The following MEMO1 variants were observed in gnomAD, a reference collection of about 807,000 sequenced individuals.
The protein encoded by MEMO1 is mediator of cell motility 1.
In MEMO1, 6 loss-of-function variants were observed where a neutral mutation model predicts 45.2. That is an observed-to-expected ratio of 0.13 (90% confidence interval 0.07 to 0.26). The LOEUF (loss-of-function observed/expected upper bound fraction) is 0.26, where lower values mean the gene tolerates loss of function less well. Among genes scored for constraint, MEMO1 ranks in the 10% least tolerant of loss-of-function variants. The pLI is 1.00. For missense variants in MEMO1, 184 were observed against 370.5 expected, an observed-to-expected ratio of 0.50 and a Z score of 4.13; for synonymous variants, 78 against 124.3, an observed-to-expected ratio of 0.63 and a Z score of 2.48.
At chr2:31,913,696 T>G (rs142130397) in intron 6 of MEMO1, among the ~76,000 whole-genome samples, 1,543 of 152,278 alleles carry the variant, frequency 0.01, 29 homozygotes, top group South Asian at 0.062. Context: ...GTGCTATGCA[T>G]AGCAGATACG....
At chr2:31,937,612 G>A (rs1463358362) in intron 3 of MEMO1, among the ~76,000 whole-genome samples, 3 of 152,090 alleles carry the variant, frequency 2.0e-5, no homozygotes, top group African/African-American at 7.2e-5. Flanking sequence ...TATATTAAAA[G>A]TAACACATGC....
At chr2:31,929,752 T>C (rs966281779) in intron 4 of MEMO1, among the ~76,000 whole-genome samples, 3 of 152,232 alleles carry the variant, frequency 2.0e-5, no homozygotes, top group Admixed American at 6.5e-5. Flanking sequence ...AATGGATTAA[T>C]GTGGAAGGTA....
intron 2 of MEMO1, among the ~76,000 whole-genome samples, chr2:31,969,592 T>TGTGTGTGTGG (rs1669108793): frequency 4.3e-5 from 3 of 69,502 alleles, no homozygotes; most frequent in African/African-American, 1.3e-4. Flanking sequence ...TGTGGGTGTG[T>TGTGTGTGTGG]GTGTGTGTGT....
chr2:31,886,102 A>C (rs1676148418), intron 7 of MEMO1, among the ~76,000 whole-genome samples: 1 of 152,218 alleles, frequency 6.6e-6, no homozygotes, highest in Non-Finnish European at 1.5e-5. Context: ...AATGGCAGTA[A>C]ATGCCATCTA....
chr2:31,957,819 T>A (rs1049750237), intron 2 of MEMO1, among the ~76,000 whole-genome samples: 1 of 152,266 alleles, frequency 6.6e-6, no homozygotes, highest in African/African-American at 2.4e-5. Context: ...ATAATCTAGA[T>A]AAGTTAAATT....
intron 6 of MEMO1, 71 bp from the exon 7 acceptor site, chr2:31,892,205 A>G (rs1677077952): frequency 1.5e-6 from 2 of 1,374,236 alleles, no homozygotes; most frequent in South Asian, 2.6e-5. Flanking sequence ...ATGTGTTGGC[A>G]TTAGAAAGTG....
At chr2:31,993,840 C>A (rs1213985084) in intron 2 of MEMO1, among the ~76,000 whole-genome samples, 4 of 151,518 alleles carry the variant, frequency 2.6e-5, no homozygotes, top group African/African-American at 9.7e-5. Flanking sequence ...GCCAAACTAT[C>A]CTATTTTTTA....
At chr2:32,010,531 A>G (rs949950080) in intron 1 of MEMO1, 5 of 270,916 alleles carry the variant, frequency 1.8e-5, no homozygotes, top group African/African-American at 1.2e-4. Context: ...AAGCCCGGAA[A>G]GCCCTGGCCC....
chr2:31,936,574 T>C (rs1664948530), intron 3 of MEMO1, among the ~76,000 whole-genome samples: 1 of 152,204 alleles, frequency 6.6e-6, no homozygotes, highest in South Asian at 2.1e-4. Flanking sequence ...GCAAAGGCCA[T>C]TCATTGCTCA....
At chr2:31,918,084 C>T (rs796530404) in intron 5 of MEMO1, 47 bp from the exon 6 acceptor site, 3 of 1,342,514 alleles carry the variant, frequency 2.2e-6, no homozygotes, top group African/African-American at 3.0e-5. Flanking sequence ...TAATGTATAT[C>T]CTTATCCTGT....
chr2:31,953,746 C>T lies in MEMO1; in HGVS notation c.62-10363G>A, dbSNP rs560898993. ...TGCTGGGATTACAGGTGTGAGCCAC[C>T]GTGCCCAGCCCCTTTATAAGATTTT... On this transcript the variant is annotated intron_variant, in intron 2 of 9. Coordinates refer to ENST00000404530, the MANE Select transcript of MEMO1 (RefSeq NM_001301833.4). Among the ~76,000 whole-genome samples, 43 of 152,104 alleles carry T rather than the reference C, an allele frequency of 2.8e-4. 1 individual carries two copies. Among genetic ancestry groups the T allele is most frequent in the African/African-American group, 9.9e-4 (41 of 41,512 alleles).
chr2:32,000,705 G>A lies in MEMO1; in HGVS notation c.61+9482C>T, dbSNP rs1673192903. Among the ~76,000 whole-genome samples, 2 of 152,136 alleles carry A rather than the reference G, an allele frequency of 1.3e-5. 1 individual carries two copies. Among genetic ancestry groups the A allele is most frequent in the South Asian group, 4.2e-4 (2 of 4,812 alleles). ...CAATGCTATTTAATATTGCAGCCTGGACCCCTGAGCCTTTAAACATTCCCT... is the reference window on the plus strand; with the variant it reads ...CAATGCTATTTAATATTGCAGCCTGAACCCCTGAGCCTTTAAACATTCCCT... On this transcript the variant is annotated intron_variant, in intron 2 of 9. Coordinates refer to ENST00000404530, the MANE Select transcript of MEMO1 (RefSeq NM_001301833.4).
intron 2 of MEMO1, among the ~76,000 whole-genome samples, chr2:31,967,456 A>G (rs111885059): frequency 0.014 from 2,085 of 151,332 alleles, 49 homozygotes; most frequent in African/African-American, 0.047. Context: ...TAAAAGTATA[A>G]TTTTTTCTTT....
intron 5 of MEMO1, among the ~76,000 whole-genome samples, 189 bp from the exon 6 acceptor site, chr2:31,918,226 A>G (rs531256584): frequency 1.3e-5 from 2 of 152,278 alleles, no homozygotes; most frequent in South Asian, 4.2e-4. Context: ...GAGTAAGGAG[A>G]AAGAGAAAAA....
Position 31,961,576 on chromosome 2 carries a change from A to AAGAG in MEMO1, c.62-18194_62-18193insCTCT, listed in dbSNP as rs1479159849. ...TCCGGATTTCAAGACCAGCCTGGGC[A>AAGAG]ACACAGTGAGACTCTGTCTCTATAA... is the stretch of plus-strand genomic sequence containing the variant. On this transcript the variant is annotated intron_variant, in intron 2 of 9. Transcript: ENST00000404530. 2.0e-5 allele frequency among the ~76,000 whole-genome samples: 3 copies of AAGAG among 152,110 alleles called. No homozygotes were observed. In the East Asian group the frequency reaches 5.8e-4, roughly 29 times the overall value.
rs531075832 is a variant in MEMO1, at chr2:31,988,055, T to C, written c.61+22132A>G. ...GTCAGTATGTACAGAGAGATTAAGATTGATAACCAAGATTAAGTTGGTAAG... is the reference window on the plus strand; with the variant it reads ...GTCAGTATGTACAGAGAGATTAAGACTGATAACCAAGATTAAGTTGGTAAG... On this transcript the variant is annotated intron_variant, in intron 2 of 9. Transcript: ENST00000404530. 1.5e-4 allele frequency among the ~76,000 whole-genome samples: 23 copies of C among 152,252 alleles called. 1 individual carries two copies. The highest frequency in any genetic ancestry group is 3.4e-3 in the Middle Eastern group (1 of 294).
rs547067602 is a variant in MEMO1, at chr2:31,965,418, A to C, written c.62-22035T>G. Among the ~76,000 whole-genome samples, 395 of 152,246 alleles carry C rather than the reference A, an allele frequency of 2.6e-3. 6 individuals are homozygous for C. The South Asian group carries it at 0.037, about 14-fold the overall frequency. On this transcript the variant is annotated intron_variant, in intron 2 of 9. Transcript: ENST00000404530. ...ACTATAAAGGGGTACAGATGAAACAAGTCAGCCATAGGATAATAATCTTGT... is the reference window on the plus strand; with the variant it reads ...ACTATAAAGGGGTACAGATGAAACACGTCAGCCATAGGATAATAATCTTGT...
intron 6 of MEMO1, among the ~76,000 whole-genome samples, chr2:31,892,351 T>C (rs1677102443): frequency 6.6e-6 from 1 of 152,104 alleles, no homozygotes. Flanking sequence ...AAAATATCCA[T>C]TTAAACTACA....
chr2:31,981,944 G>A (rs992032497), intron 2 of MEMO1, among the ~76,000 whole-genome samples: 8 of 152,030 alleles, frequency 5.3e-5, no homozygotes, highest in Non-Finnish European at 7.4e-5. Context: ...TTACCAATAC[G>A]TCAGGATATC....
Sources: allele counts gnomAD v4.1 joint callset (sites outside exome capture counted in the v4.1 genomes callset), GRCh38; gene constraint gnomAD v4.1.1; transcripts MANE v1.5; gene names NCBI Gene and HGNC (gene_info 2026-07-23, HGNC 2026-07-21).